The following LCP1 variants were observed in gnomAD, a reference collection of about 807,000 sequenced individuals.
LCP1 encodes plastin-2.
A neutral mutation model predicts 72.0 loss-of-function variants in LCP1; 23 were observed. The ratio of observed to expected loss-of-function variants is 0.32; its 90% CI spans 0.23 to 0.45. The LOEUF (loss-of-function observed/expected upper bound fraction) is 0.45, where lower values mean the gene tolerates loss of function less well. Ranked by LOEUF, LCP1 falls within the 20% of genes least tolerant of loss-of-function variation. The pLI, the probability that LCP1 is intolerant of heterozygous loss-of-function variation, is 1.00. For synonymous variants in LCP1, 245 were observed against 275.4 expected, an observed-to-expected ratio of 0.89 and a Z score of 1.09; for missense variants, 571 against 748.3, an observed-to-expected ratio of 0.76 and a Z score of 2.76.
Position 46,174,508 on chromosome 13 carries a change from G to A in LCP1, c.-25+7603C>T, listed in dbSNP as rs1229525475. Among the ~76,000 whole-genome samples, 5 of 152,120 alleles carry A rather than the reference G, an allele frequency of 3.3e-5. No individual in the cohort carries two copies. In the East Asian group the frequency reaches 5.8e-4, roughly 18 times the overall value. On this transcript the variant is annotated intron_variant, in intron 1 of 15. Transcript: ENST00000323076. ...CTCAAATATGTTTGGTATACCAGCC[G>A]ACCTAACAAAAGGAGACTTGGGATC...
intron 10 of LCP1, among the ~76,000 whole-genome samples, chr13:46,146,438 G>A (rs954697528): frequency 2.0e-5 from 3 of 152,116 alleles, no homozygotes; most frequent in African/African-American, 7.2e-5. Flanking sequence ...AAATACAACT[G>A]TTAGGGATTC....
intron 1 of LCP1, among the ~76,000 whole-genome samples, chr13:46,167,555 C>T (rs1687952433): frequency 1.3e-5 from 2 of 152,168 alleles, no homozygotes; most frequent in Non-Finnish European, 2.9e-5. Flanking sequence ...CAGTGATGCT[C>T]CTGATACTAA....
intron 13 of LCP1, among the ~76,000 whole-genome samples, chr13:46,135,954 G>T (rs925407043): frequency 6.6e-6 from 1 of 151,944 alleles, no homozygotes; most frequent in African/African-American, 2.4e-5. Flanking sequence ...ATGGCCCAAA[G>T]AATACAGGTT....
intron 1 of LCP1, among the ~76,000 whole-genome samples, chr13:46,179,802 T>C (rs544676196): frequency 9.2e-5 from 14 of 151,794 alleles, no homozygotes; most frequent in East Asian, 5.8e-4. Context: ...TGACAAGAAA[T>C]AAGATTGGGG....
At chr13:46,151,163 A>T in intron 7 of LCP1, 85 bp from the exon 8 acceptor site, 1 of 1,381,034 alleles carries the variant, frequency 7.2e-7, no homozygotes, top group East Asian at 2.3e-5. Flanking sequence ...AAGCTCTGCT[A>T]AAAAGCTAAA....
At chr13:46,163,499 G>T (rs1014779200) in intron 1 of LCP1, among the ~76,000 whole-genome samples, 3 of 150,862 alleles carry the variant, frequency 2.0e-5, no homozygotes, top group African/African-American at 7.3e-5. Context: ...CAAACACTGC[G>T]GAAGGCCGCA....
chr13:46,152,887 A>G lies in LCP1; in HGVS notation c.632T>C (p.Ile211Thr), dbSNP rs780796780. Reference sequence around the variant, plus strand: ...CCCCTCCTTCAGGTCCTCAGCCCCTATGTTGACCACATGGCACCCGATGGC... The same window carrying G: ...CCCCTCCTTCAGGTCCTCAGCCCCTGTGTTGACCACATGGCACCCGATGGC... ...ASAIGCHVVN[I>T]GAEDLKEGKP... Residue 211 changes from isoleucine (I) to threonine (T), a missense_variant, in exon 7 of 16, where the codon ATA becomes ACA. Physicochemically the swap from Ile to Thr is moderately conservative, Grantham distance 89. Coordinates refer to ENST00000323076, the MANE Select transcript of LCP1 (RefSeq NM_002298.5). The G allele has an allele frequency of 1.2e-6, 2 of 1,614,106 alleles. No homozygotes were observed. The highest frequency in any genetic ancestry group is 1.7e-6 in the Non-Finnish European group (2 of 1,179,994).
chr13:46,134,441 T>A (rs969471793), intron 13 of LCP1, among the ~76,000 whole-genome samples, 191 bp from the exon 14 acceptor site: 21 of 152,158 alleles, frequency 1.4e-4, no homozygotes, highest in African/African-American at 4.8e-4. Flanking sequence ...CGTGACTTTA[T>A]GGCTAGTATA....
chr13:46,161,929 CA>C (rs1408600680), intron 1 of LCP1, among the ~76,000 whole-genome samples: 10 of 152,188 alleles, frequency 6.6e-5, no homozygotes, highest in Non-Finnish European at 5.9e-5. Context: ...TGTCTGACAG[CA>C]AAATCTTCAC....
At chr13:46,142,448 G>T (rs765588809) in intron 12 of LCP1, 23 bp from the exon 13 acceptor site, 2 of 1,608,946 alleles carry the variant, frequency 1.2e-6, no homozygotes, top group Non-Finnish European at 1.7e-6. Flanking sequence ...AAAGGAAAAC[G>T]ATTTAACGTC....
At chr13:46,148,596 T>C in intron 8 of LCP1, 149 bp from the exon 9 acceptor site, 1 of 631,048 alleles carries the variant, frequency 1.6e-6, no homozygotes, top group Non-Finnish European at 2.7e-6. Context: ...ATTCACTAAT[T>C]TGAATGTTCT....
At chr13:46,144,397 T>C (rs200204079) in intron 11 of LCP1, 45 bp downstream of exon 11, 20 of 1,396,622 alleles carry the variant, frequency 1.4e-5, no homozygotes, top group South Asian at 4.6e-5. Context: ...ATGGCTCTTT[T>C]GAGGTCTCTA....
At chr13:46,144,632 GAAATA>G in intron 10 of LCP1, 112 bp from the exon 11 acceptor site, 3 of 739,552 alleles carry the variant, frequency 4.1e-6, no homozygotes, top group Non-Finnish European at 4.8e-6. Context: ...ATGAAAGAAA[GAAATA>G]AAATAAACTG....
intron 1 of LCP1, among the ~76,000 whole-genome samples, chr13:46,162,669 G>A (rs576265031): frequency 1.4e-4 from 22 of 152,082 alleles, no homozygotes; most frequent in Admixed American, 3.9e-4. Flanking sequence ...CCTCCCAGCC[G>A]CCTGCCTTGG....
At position 46,145,627 on chromosome 13, in the gene LCP1, A is replaced by AAACGGGATGGGAGGTG. The variant is rs774045993; in HGVS notation, c.1175-1108_1175-1107insCACCTCCCATCCCGTT. Among the ~76,000 whole-genome samples, 82 of 135,144 alleles carry AAACGGGATGGGAGGTG rather than the reference A, an allele frequency of 6.1e-4. 1 individual carries two copies. The highest frequency in any genetic ancestry group is 1.8e-3 in the African/African-American group (59 of 33,128). The allele number at this position is 135,144 out of a possible 152,430, so 88.7% of individuals were successfully genotyped here. A position where few individuals can be genotyped will look rare whatever the true frequency, so the allele number is the denominator to read the frequency against. On this transcript the variant is annotated intron_variant, in intron 10 of 15. Coordinates refer to ENST00000323076, the MANE Select transcript of LCP1 (RefSeq NM_002298.5). ...AAATGGAGCATTTCTAAAAGAGGGC[A>AAACGGGATGGGAGGTG]GGCCGGGCGCGGTGGCTCACGCCTG...
At chr13:46,151,176 T>C in intron 7 of LCP1, 98 bp from the exon 8 acceptor site, 2 of 1,187,988 alleles carry the variant, frequency 1.7e-6, no homozygotes, top group Non-Finnish European at 2.3e-6. Flanking sequence ...AAGCTAAAGA[T>C]AACAACGTTA....
intron 13 of LCP1, among the ~76,000 whole-genome samples, chr13:46,137,069 A>C (rs113554597): frequency 3.5e-4 from 53 of 152,200 alleles, no homozygotes; most frequent in Non-Finnish European, 6.8e-4. Context: ...TTGTGGAGGC[A>C]GCTTATTCCA....
At chr13:46,143,112 G>T (rs571007911) in intron 12 of LCP1, among the ~76,000 whole-genome samples, 178 bp downstream of exon 12, 3 of 152,158 alleles carry the variant, frequency 2.0e-5, no homozygotes, top group Non-Finnish European at 4.4e-5. Context: ...ATAAGCAATT[G>T]ACTGAAATAA....
chr13:46,177,900 TATG>T (rs1460331797), intron 1 of LCP1, among the ~76,000 whole-genome samples: 27 of 139,956 alleles, frequency 1.9e-4, no homozygotes, highest in African/African-American at 7.0e-4. Flanking sequence ...ATGATGATGA[TATG>T]ATGACACAGA....
Sources: gnomAD v4.1 joint callset for allele counts (sites outside exome capture counted in the v4.1 genomes callset) on GRCh38, gnomAD v4.1.1 for gene constraint, MANE v1.5 for transcripts, NCBI Gene and HGNC (gene_info 2026-07-23, HGNC 2026-07-21) for gene names.